FKBP9: variants seen among roughly 807,000 people sequenced by gnomAD.
FKBP9 encodes the protein FKBP prolyl isomerase 9.
In FKBP9, 27 loss-of-function variants were observed where a neutral mutation model predicts 55.6. The ratio of observed to expected loss-of-function variants is 0.49; its 90% confidence interval spans 0.36 to 0.67. FKBP9 has a LOEUF of 0.67. FKBP9 is among the 30% of genes least tolerant of loss of function. The pLI is 0.00. For synonymous variants in FKBP9, 267 were observed against 296.5 expected, an observed-to-expected ratio of 0.90 and a Z score of 1.02; for missense variants, 539 against 742.8, an observed-to-expected ratio of 0.73 and a Z score of 3.19.
rs115867821 is a variant in FKBP9, at chr7:32,977,434, G to T, written c.703+935G>T. On this transcript the variant is annotated intron_variant, in intron 4 of 9. Transcript: ENST00000242209. ...GTGTGGTGTAACCTGTTTCCTCTAGGCTGCAAACCTGCACAGCATCTGTAC... is the reference window on the plus strand; with the variant it reads ...GTGTGGTGTAACCTGTTTCCTCTAGTCTGCAAACCTGCACAGCATCTGTAC... Among the ~76,000 whole-genome samples, 1,284 of 152,226 alleles carry T rather than the reference G, an allele frequency of 8.4e-3. 24 individuals are homozygous for T. The highest frequency in any genetic ancestry group is 0.03 in the African/African-American group (1,231 of 41,530).
At chr7:32,992,114 A>G (rs897053457) in intron 6 of FKBP9, among the ~76,000 whole-genome samples, 1 of 152,138 alleles carries the variant, frequency 6.6e-6, no homozygotes, top group East Asian at 1.9e-4. Context: ...ATGAGTCCCC[A>G]TTAGGTAGTG....
chr7:32,977,577 T>C (rs1172461393), intron 4 of FKBP9, among the ~76,000 whole-genome samples: 1 of 152,112 alleles, frequency 6.6e-6, no homozygotes, highest in African/African-American at 2.4e-5. Context: ...ATGTGGTCTG[T>C]TGTTGACCAA....
intron 4 of FKBP9, among the ~76,000 whole-genome samples, chr7:32,977,906 T>C (rs1220588828): frequency 4.0e-5 from 5 of 126,432 alleles, no homozygotes; most frequent in African/African-American, 8.1e-5. Context: ...CATATATATA[T>C]ACTCATATAT....
chr7:32,957,836 C>G, intron 1 of FKBP9, 42 bp downstream of exon 1: 2 of 1,363,614 alleles, frequency 1.5e-6, no homozygotes, highest in Non-Finnish European at 1.9e-6. Context: ...AGCGGATGCG[C>G]GTCCCTCTCT....
chr7:32,979,594 G>A, intron 4 of FKBP9: 2 of 1,540,746 alleles, frequency 1.3e-6, no homozygotes, highest in Non-Finnish European at 1.8e-6. Context: ...GTAAAACTGA[G>A]GGATTGGTTT....
chr7:32,982,445 G>C (rs989628466), intron 5 of FKBP9, among the ~76,000 whole-genome samples: 9 of 152,104 alleles, frequency 5.9e-5, no homozygotes, highest in Non-Finnish European at 1.2e-4. Flanking sequence ...CTTGATTTTT[G>C]TTACTCTGGG....
chr7:32,997,437 G>A (rs370632775), intron 7 of FKBP9, among the ~76,000 whole-genome samples: 13 of 151,942 alleles, frequency 8.6e-5, no homozygotes, highest in Admixed American at 1.3e-4. Flanking sequence ...GGCTGGTCTC[G>A]AACTCCTGAC....
chr7:32,969,857 G>T (rs187152819), intron 1 of FKBP9, among the ~76,000 whole-genome samples: 242 of 152,084 alleles, frequency 1.6e-3, no homozygotes, highest in African/African-American at 4.7e-3. Flanking sequence ...ACAAAAATTA[G>T]CCAGGCATGG....
At chr7:32,992,750 A>G (rs1784709777) in intron 6 of FKBP9, 1 of 219,332 alleles carries the variant, frequency 4.6e-6, no homozygotes, top group East Asian at 6.7e-5. Flanking sequence ...TCCATCCATC[A>G]AAGATTTATT....
At chr7:32,963,239 A>G (rs950853070) in intron 1 of FKBP9, among the ~76,000 whole-genome samples, 3 of 150,700 alleles carry the variant, frequency 2.0e-5, no homozygotes, top group Admixed American at 6.7e-5. Flanking sequence ...AGAGGCTCCA[A>G]TATTTGGGTC....
At position 32,976,339 on chromosome 7, in the gene FKBP9, C is replaced by T. The variant is rs1236559327; in HGVS notation, c.558-15C>T. 6.2e-7 allele frequency: 1 copy of T among 1,613,726 alleles called. No individual in the cohort carries two copies. Among genetic ancestry groups the T allele is most frequent in the Non-Finnish European group, 8.5e-7 (1 of 1,179,850 alleles). On this transcript the variant is annotated splice_polypyrimidine_tract_variant and intron_variant, in intron 3 of 9. Coordinates refer to ENST00000242209, the MANE Select transcript of FKBP9 (RefSeq NM_007270.5). ...TCATGGTGTGGAACTTTTTCCCTTT[C>T]TCATTACCTTTCAGTCACAATCGCA...
chr7:32,981,926 G>T (rs113706612), intron 5 of FKBP9, among the ~76,000 whole-genome samples: 48,935 of 149,296 alleles, frequency 0.33, 9,899 homozygotes, highest in Non-Finnish European at 0.46. Context: ...AAGATATGTT[G>T]TATACCTGTT....
chr7:32,959,199 A>C (rs1252412547), intron 1 of FKBP9, among the ~76,000 whole-genome samples: 1 of 152,010 alleles, frequency 6.6e-6, no homozygotes, highest in Non-Finnish European at 1.5e-5. Flanking sequence ...AGGTCAGGAG[A>C]TCGAGACCAT....
At chr7:33,000,062 C>T in intron 7 of FKBP9, 53 bp from the exon 8 acceptor site, 1 of 1,609,474 alleles carries the variant, frequency 6.2e-7, no homozygotes, top group Non-Finnish European at 8.5e-7. Context: ...TGGGAACACT[C>T]TCAGTGCCAA....
chr7:32,985,175 TTTC>T (rs1303354300), intron 5 of FKBP9, among the ~76,000 whole-genome samples: 45 of 136,106 alleles, frequency 3.3e-4, no homozygotes, highest in East Asian at 9.6e-4. Context: ...TCTTTCTTTC[TTTC>T]TTTTTTTTTT....
chr7:32,978,351 C>G lies in FKBP9; in HGVS notation c.703+1852C>G, dbSNP rs565272011. ...CATAAATATGTCTTAATTCTCCCCC[C>G]CACTGAGATATAAGATACTGTTATT... On this transcript the variant is annotated intron_variant, in intron 4 of 9. Coordinates refer to ENST00000242209, the MANE Select transcript of FKBP9 (RefSeq NM_007270.5). Among the ~76,000 whole-genome samples, 40 of 152,098 alleles carry G rather than the reference C, an allele frequency of 2.6e-4. No individual in the cohort carries two copies. The South Asian group carries it at 7.7e-3, about 29-fold the overall frequency.
intron 5 of FKBP9, among the ~76,000 whole-genome samples, chr7:32,985,478 C>G (rs1352659120): frequency 6.6e-6 from 1 of 151,806 alleles, no homozygotes; most frequent in East Asian, 1.9e-4. Flanking sequence ...CTGCCCCTGG[C>G]CCAGTGTTAT....
chr7:32,974,163 C>G (rs1370064482), intron 1 of FKBP9, among the ~76,000 whole-genome samples: 1 of 149,440 alleles, frequency 6.7e-6, no homozygotes, highest in Admixed American at 6.7e-5. Flanking sequence ...ACCACCACAC[C>G]TGGCTAATTA....
Position 33,006,379 on chromosome 7 carries a change from G to T in FKBP9, c.*1028G>T, listed in dbSNP as rs900209395. The stretch of plus-strand genomic sequence containing the variant: ...TCCGCCCACCTTGGCCTCCCAAAGT[G>T]TTGGGATTACAGGCGTGACTCACCA... On this transcript the variant is annotated 3_prime_UTR_variant, in exon 10 of 10. Transcript: ENST00000242209. The T allele has an allele frequency of 5.0e-6, 1 of 200,664 alleles. No homozygotes were observed. The highest frequency in any genetic ancestry group is 2.3e-5 in the African/African-American group (1 of 43,512). 12.4% of individuals were successfully genotyped at this position (200,664 alleles called of 1,614,324 possible).
Sources: gnomAD v4.1 joint callset for allele counts (sites outside exome capture counted in the v4.1 genomes callset) on GRCh38, gnomAD v4.1.1 for gene constraint, MANE v1.5 for transcripts, NCBI Gene and HGNC (gene_info 2026-07-23, HGNC 2026-07-21) for gene names.